MGAM2: variants seen among roughly 807,000 people sequenced by gnomAD.
MGAM2 encodes the protein probable maltase-glucoamylase 2.
Under a neutral mutation model 96.1 loss-of-function variants are expected in MGAM2, and 98 were observed. That is an observed-to-expected ratio of 1.02 (90% CI 0.87 to 1.21). MGAM2 has a LOEUF of 1.21. Ranked by LOEUF, MGAM2 falls within the 50% of genes most tolerant of loss-of-function variation. The probability of loss-of-function intolerance (pLI) is 0.00; values close to 1 mark genes in which losing one functional copy is unlikely to be tolerated. For synonymous variants in MGAM2, 749 were observed against 414.8 expected (o/e 1.81, Z -9.79); for missense variants, 2,055 against 1,182.4 (o/e 1.74, Z -10.82).
chr7:142,131,732 A>G (rs1436319666), intron 5 of MGAM2, 105 bp downstream of exon 5: 13 of 637,048 alleles, frequency 2.0e-5, no homozygotes, highest in Non-Finnish European at 3.7e-5. Flanking sequence ...CTCTGCAGGA[A>G]TCTCTGGATG....
intron 15 of MGAM2, among the ~76,000 whole-genome samples, chr7:142,150,893 T>G (rs1795558849): frequency 6.6e-6 from 1 of 152,216 alleles, no homozygotes; most frequent in South Asian, 2.1e-4. Flanking sequence ...TCCATGCCTT[T>G]CATGTGCTAT....
Position 142,220,384 on chromosome 7 carries a change from C to T in MGAM2, c.5873C>T (p.Pro1958Leu). Residue 1958 changes from proline to leucine, a missense_variant, in exon 48 of 48, where the codon CCC becomes CTC. By Grantham distance (98) the Pro-to-Leu change is moderately conservative. Coordinates refer to ENST00000477922, the MANE Select transcript of MGAM2 (RefSeq NM_001293626.2). ...GGTGTTACAACTAATGCTACTGTTC[C>T]CGATACAACTGCCCCTTTCCCAACA... ...TIGVTTNATV[P>L]DTTAPFPTNT... 1 of 702,608 alleles carries T rather than the reference C, an allele frequency of 1.4e-6. No homozygotes were observed. Among genetic ancestry groups the T allele is most frequent in the South Asian group, 1.5e-5 (1 of 67,584 alleles). 43.5% of individuals were successfully genotyped at this position (702,608 alleles called of 1,614,324 possible). A position where few individuals can be genotyped will look rare whatever the true frequency, so the allele number is the denominator to read the frequency against.
At position 142,221,797 on chromosome 7, in the gene MGAM2, G is replaced by A. The variant is rs1202206154; in HGVS notation, c.7286G>A (p.Gly2429Asp). 1.2e-5 allele frequency: 5 copies of A among 401,024 alleles called. No individual in the cohort carries two copies. Among genetic ancestry groups the A allele is most frequent in the Non-Finnish European group, 2.2e-5 (5 of 227,592 alleles). The allele number at this position is 401,024 out of a possible 1,614,324, so 24.8% of individuals were successfully genotyped here. Reference sequence around the variant, plus strand: ...GCAGATAACTCCAGCAGTGTTACAGGTAACACGACACACATTTCTGTTTCA... The same window carrying A: ...GCAGATAACTCCAGCAGTGTTACAGATAACACGACACACATTTCTGTTTCA... ...TDADNSSSVT[G>D]NTTHISVSNL... is the part of the protein sequence containing the mutation. Residue 2429 changes from glycine to aspartate, a missense_variant, in exon 48 of 48, where the codon GGT becomes GAT. By Grantham distance (94) the Gly-to-Asp change is moderately conservative. Coordinates refer to ENST00000477922, the MANE Select transcript of MGAM2 (RefSeq NM_001293626.2).
chr7:142,143,969 T>C lies in MGAM2; in HGVS notation c.1431+87T>C, dbSNP rs949340806. Reference sequence around the variant, plus strand: ...AGTTTTGACCTTGATGTCAAATAAATGTCAATAAAAAATAGTTTGCTTTAT... The same window carrying C: ...AGTTTTGACCTTGATGTCAAATAAACGTCAATAAAAAATAGTTTGCTTTAT... On this transcript the variant is annotated intron_variant, in intron 13 of 47. Coordinates refer to ENST00000477922, the MANE Select transcript of MGAM2 (RefSeq NM_001293626.2). 3 of 665,444 alleles carry C rather than the reference T, an allele frequency of 4.5e-6. No individual in the cohort carries two copies. In the African/African-American group the frequency reaches 5.3e-5, roughly 12 times the overall value. The allele number at this position is 665,444 out of a possible 1,614,324, so 41.2% of individuals were successfully genotyped here.
chr7:142,129,903 T>G (rs552764277), intron 3 of MGAM2, among the ~76,000 whole-genome samples: 1 of 148,510 alleles, frequency 6.7e-6, no homozygotes, highest in Non-Finnish European at 1.5e-5. Context: ...CCTGCCACAT[T>G]GCATTTTATT....
At chr7:142,192,976 A>C (rs1796918536) in intron 37 of MGAM2, among the ~76,000 whole-genome samples, 1 of 152,182 alleles carries the variant, frequency 6.6e-6, no homozygotes, top group Non-Finnish European at 1.5e-5. Flanking sequence ...TATTGTAAGC[A>C]CTCAACAAAC....
chr7:142,165,550 A>G (rs1446028286), intron 24 of MGAM2, among the ~76,000 whole-genome samples: 2 of 152,202 alleles, frequency 1.3e-5, no homozygotes, highest in Non-Finnish European at 2.9e-5. Context: ...GCCCCCTTCC[A>G]TGTTGACAAG....
At chr7:142,116,693 G>A (rs945216972) in intron 1 of MGAM2, among the ~76,000 whole-genome samples, 181 bp from the exon 2 acceptor site, 1 of 152,194 alleles carries the variant, frequency 6.6e-6, no homozygotes, top group Non-Finnish European at 1.5e-5. Flanking sequence ...TGGATGTAAA[G>A]CTAGAGTTAA....
At chr7:142,120,087 A>T (rs1249820814) in intron 2 of MGAM2, among the ~76,000 whole-genome samples, 1 of 152,244 alleles carries the variant, frequency 6.6e-6, no homozygotes, top group East Asian at 1.9e-4. Flanking sequence ...CAAAGTAGAA[A>T]TAAACGTGTT....
At chr7:142,157,788 G>A in intron 17 of MGAM2, 149 bp from the exon 18 acceptor site, 2 of 605,042 alleles carry the variant, frequency 3.3e-6, no homozygotes, top group Non-Finnish European at 2.9e-6. Context: ...AAATGAAGGA[G>A]TAGGATTAGT....
Position 142,220,164 on chromosome 7 carries a change from CCTACAAGTA to C in MGAM2, c.5658_5666del (p.Ser1887_Thr1889del). The C allele has an allele frequency of 1.4e-6, 1 of 702,902 alleles. No individual in the cohort carries two copies. Among genetic ancestry groups the C allele is most frequent in the South Asian group, 1.5e-5 (1 of 67,606 alleles). 43.5% of individuals were successfully genotyped at this position (702,902 alleles called of 1,614,324 possible). A position where few individuals can be genotyped will look rare whatever the true frequency, so the allele number is the denominator to read the frequency against. ...TGTTCCTGATACAACTTCTCCTTTC[CCTACAAGTA>C]CTACTAATGCTAGCACTAATGCTAC... On this transcript the variant is annotated inframe_deletion, in exon 48 of 48. Coordinates refer to ENST00000477922, the MANE Select transcript of MGAM2 (RefSeq NM_001293626.2).
chr7:142,210,299 G>GT (rs200900613), intron 46 of MGAM2, among the ~76,000 whole-genome samples: 29 of 148,916 alleles, frequency 1.9e-4, no homozygotes, highest in South Asian at 2.1e-4. Context: ...AGCTTCAGGA[G>GT]TTTTTTTTTT....
chr7:142,218,555 A>T (rs1442413295), intron 47 of MGAM2, 24 bp downstream of exon 47: 1 of 584,248 alleles, frequency 1.7e-6, no homozygotes, highest in African/African-American at 1.9e-5. Flanking sequence ...GAATATTAGC[A>T]TATCACAAGT....
chr7:142,178,958 A>G (rs957195024), intron 32 of MGAM2, among the ~76,000 whole-genome samples: 1 of 152,046 alleles, frequency 6.6e-6, no homozygotes, highest in African/African-American at 2.4e-5. Flanking sequence ...AGTGTTTTGC[A>G]CTTCTTGTAA....
intron 3 of MGAM2, among the ~76,000 whole-genome samples, chr7:142,122,735 T>C (rs556730383): frequency 6.6e-6 from 1 of 152,362 alleles, no homozygotes; most frequent in African/African-American, 2.4e-5. Flanking sequence ...GAGTATGCCA[T>C]AGTTTAACCA....
At chr7:142,119,623 TA>T (rs1450008475) in intron 2 of MGAM2, among the ~76,000 whole-genome samples, 2 of 152,290 alleles carry the variant, frequency 1.3e-5, no homozygotes, top group East Asian at 3.9e-4. Flanking sequence ...GGATTATGTA[TA>T]ATGGTCAAAA....
At chr7:142,112,715 T>G (rs1211671397) in intron 1 of MGAM2, among the ~76,000 whole-genome samples, 1 of 152,140 alleles carries the variant, frequency 6.6e-6, no homozygotes, top group Non-Finnish European at 1.5e-5. Flanking sequence ...TAACCGTGAC[T>G]AGACAAAATT....
At chr7:142,149,845 T>C (rs1311609648) in intron 15 of MGAM2, among the ~76,000 whole-genome samples, 1 of 151,776 alleles carries the variant, frequency 6.6e-6, no homozygotes, top group African/African-American at 2.4e-5. Flanking sequence ...CCGGCCTTAC[T>C]TGGATGTTTT....
At chr7:142,135,630 T>G (rs1795033440) in intron 7 of MGAM2, among the ~76,000 whole-genome samples, 1 of 152,052 alleles carries the variant, frequency 6.6e-6, no homozygotes, top group African/African-American at 2.4e-5. Context: ...GCCTTATGCT[T>G]TGGCTAAGAT....
Sources: allele counts gnomAD v4.1 joint callset (sites outside exome capture counted in the v4.1 genomes callset), GRCh38; gene constraint gnomAD v4.1.1; transcripts MANE v1.5; gene names NCBI Gene and HGNC (gene_info 2026-07-23, HGNC 2026-07-21).